CNPY1: variants seen among roughly 807,000 people sequenced by gnomAD.
CNPY1 encodes the protein canopy FGF signaling regulator 1, also known as protein canopy homolog 1.
CNPY1 carries 14 observed loss-of-function variants against 14.4 expected under a neutral mutation model. That is an observed-to-expected ratio of 0.97 (90% confidence interval 0.64 to 1.52). The LOEUF is 1.52. Ranked by LOEUF, CNPY1 falls within the 40% of genes most tolerant of loss-of-function variation. The pLI is 0.00. For missense variants in CNPY1, 129 were observed against 131.5 expected, an observed-to-expected ratio of 0.98 and a Z score of 0.09; for synonymous variants, 43 against 46.5, an observed-to-expected ratio of 0.92 and a Z score of 0.31.
intron 2 of CNPY1, among the ~76,000 whole-genome samples, chr7:155,516,850 C>A (rs562137616): frequency 6.6e-6 from 1 of 152,300 alleles, no homozygotes; most frequent in South Asian, 2.1e-4. Flanking sequence ...CTCCTAGAAC[C>A]TCAGCAGCCC....
chr7:155,526,388 T>G (rs1431219327), intron 2 of CNPY1, among the ~76,000 whole-genome samples: 2 of 152,088 alleles, frequency 1.3e-5, no homozygotes, highest in East Asian at 3.9e-4. Context: ...GCAGGGGACA[T>G]TCTCAAACAA....
At chr7:155,545,771 ATGGT>A in intron 2 of CNPY1, 56 bp downstream of exon 2, 1 of 397,802 alleles carries the variant, frequency 2.5e-6, no homozygotes, top group Non-Finnish European at 4.4e-6. Flanking sequence ...GTTTGGATAA[ATGGT>A]TGGTAATTGC....
At chr7:155,535,557 G>T (rs1219621288) in intron 2 of CNPY1, among the ~76,000 whole-genome samples, 1 of 152,158 alleles carries the variant, frequency 6.6e-6, no homozygotes, top group East Asian at 1.9e-4. Flanking sequence ...AGGAAGCCGG[G>T]AATGAACAGA....
chr7:155,520,027 T>C (rs1247254396), intron 2 of CNPY1, among the ~76,000 whole-genome samples: 1 of 152,230 alleles, frequency 6.6e-6, no homozygotes, highest in Non-Finnish European at 1.5e-5. Flanking sequence ...CTTTTTCCTG[T>C]AGAATTATTT....
At chr7:155,506,912 G>C (rs566459504) in intron 4 of CNPY1, 108 bp downstream of exon 4, 4 of 684,522 alleles carry the variant, frequency 5.8e-6, no homozygotes, top group African/African-American at 1.8e-5. Flanking sequence ...TGTCAGAGCC[G>C]TGGATCGCAG....
In CNPY1 at chr7:155,534,711, G is replaced by A. The variant is rs547843383; in HGVS notation, c.99+11120C>T. Among the ~76,000 whole-genome samples, 91 of 152,336 alleles carry A rather than the reference G, an allele frequency of 6.0e-4. 1 individual carries two copies. The highest frequency in any genetic ancestry group is 2.0e-3 in the African/African-American group (85 of 41,584). On this transcript the variant is annotated intron_variant, in intron 2 of 4. Transcript: ENST00000636446. Reference sequence around the variant, plus strand: ...CCTACTGCCCCCACAGCAGCAAGGGGCTGGCGTGGAGACTGGAACGTAATG... The same window carrying A: ...CCTACTGCCCCCACAGCAGCAAGGGACTGGCGTGGAGACTGGAACGTAATG...
intron 2 of CNPY1, among the ~76,000 whole-genome samples, chr7:155,537,165 C>A (rs1333169951): frequency 6.6e-6 from 1 of 152,116 alleles, no homozygotes; most frequent in Non-Finnish European, 1.5e-5. Context: ...ACCCACGTGT[C>A]TCAGAAGAGC....
intron 2 of CNPY1, among the ~76,000 whole-genome samples, chr7:155,517,627 C>T (rs1796646135): frequency 6.6e-6 from 1 of 152,284 alleles, no homozygotes; most frequent in East Asian, 1.9e-4. Flanking sequence ...CAGGGCTGCA[C>T]CTGCACATGC....
chr7:155,524,026 C>A (rs1167914990), intron 2 of CNPY1, among the ~76,000 whole-genome samples: 1 of 152,176 alleles, frequency 6.6e-6, no homozygotes, highest in Admixed American at 6.5e-5. Context: ...CCCTCTGAGC[C>A]CCCAAGAAAA....
chr7:155,540,524 G>A (rs1163684672), intron 2 of CNPY1, among the ~76,000 whole-genome samples: 1 of 152,246 alleles, frequency 6.6e-6, no homozygotes, highest in African/African-American at 2.4e-5. Flanking sequence ...AGCATGAGGT[G>A]TTGGTGCAAA....
chr7:155,517,968 G>C (rs1439174304), intron 2 of CNPY1, among the ~76,000 whole-genome samples: 1 of 152,228 alleles, frequency 6.6e-6, no homozygotes, highest in African/African-American at 2.4e-5. Flanking sequence ...GCAGCACAGT[G>C]ATTTCTGTCC....
chr7:155,546,164 T>A (rs1237919226), intron 1 of CNPY1, among the ~76,000 whole-genome samples: 4 of 151,088 alleles, frequency 2.6e-5, no homozygotes, highest in Non-Finnish European at 5.9e-5. Context: ...CAAAACCATA[T>A]ACAATTTACT....
intron 2 of CNPY1, among the ~76,000 whole-genome samples, chr7:155,509,588 A>G (rs1051272862): frequency 1.3e-5 from 2 of 152,134 alleles, no homozygotes; most frequent in African/African-American, 4.8e-5. Flanking sequence ...AGATCCCCTT[A>G]GTCGGGGAGA....
chr7:155,511,312 C>T (rs1796526926), intron 2 of CNPY1, among the ~76,000 whole-genome samples: 1 of 152,160 alleles, frequency 6.6e-6, no homozygotes, highest in African/African-American at 2.4e-5. Context: ...GTAGAGGCCA[C>T]GCTGAAAACT....
intron 2 of CNPY1, among the ~76,000 whole-genome samples, chr7:155,524,168 G>C (rs1249007761): frequency 1.3e-5 from 2 of 152,268 alleles, no homozygotes; most frequent in Admixed American, 1.3e-4. Context: ...TCTGATTTCA[G>C]AAGTGAAGAA....
At position 155,536,144 on chromosome 7, in the gene CNPY1, A is replaced by G. The variant is rs1002943721; in HGVS notation, c.99+9687T>C. ...AGTGGGGATCCAGGTGCCATTTGAA[A>G]TGGGATGCTGTAAATCCATGGCATG... On this transcript the variant is annotated intron_variant, in intron 2 of 4. Transcript: ENST00000636446. This position sits in a 1 kb window ranked among gnomAD's most constrained non-coding sequence, Gnocchi z 4.1. Among the ~76,000 whole-genome samples the G allele has an allele frequency of 1.3e-5, 2 of 152,126 alleles. No homozygotes were observed. Among genetic ancestry groups the G allele is most frequent in the Admixed American group, 6.5e-5 (1 of 15,282 alleles).
At chr7:155,513,162 T>C (rs1796559566) in intron 2 of CNPY1, among the ~76,000 whole-genome samples, 1 of 152,234 alleles carries the variant, frequency 6.6e-6, no homozygotes, top group South Asian at 2.1e-4. Context: ...GCAAATAGCA[T>C]TGACTGTTTA....
intron 3 of CNPY1, 28 bp downstream of exon 3, chr7:155,508,864 TAC>T (rs771249895): frequency 6.2e-7 from 1 of 1,609,728 alleles, no homozygotes; most frequent in Non-Finnish European, 8.5e-7. Context: ...TTCTGGATCA[TAC>T]GATTCATCTG....
intron 3 of CNPY1, 42 bp downstream of exon 3, chr7:155,508,852 G>A (rs371618045): frequency 1.9e-6 from 3 of 1,597,008 alleles, no homozygotes; most frequent in East Asian, 2.2e-5. Flanking sequence ...CCAAAAACAC[G>A]TTTCTGGATC....
Sources: allele counts gnomAD v4.1 joint callset (sites outside exome capture counted in the v4.1 genomes callset), GRCh38; gene constraint gnomAD v4.1.1; non-coding constraint Gnocchi (gnomAD v3.1); transcripts MANE v1.5; gene names NCBI Gene and HGNC (gene_info 2026-07-23, HGNC 2026-07-21).